Variants in NCOA2 observed in about 807,000 individuals in gnomAD.
NCOA2 encodes class E basic helix-loop-helix protein 75.
A neutral mutation model predicts 145.1 loss-of-function variants in NCOA2; 21 were observed. The observed-to-expected ratio is 0.14, with a 90% CI of 0.10 to 0.21. The LOEUF (loss-of-function observed/expected upper bound fraction) is 0.21, where lower values mean the gene tolerates loss of function less well. NCOA2 is among the 10% of genes least tolerant of loss of function. The probability of loss-of-function intolerance (pLI) is 1.00; values close to 1 mark genes in which losing one functional copy is unlikely to be tolerated. For missense variants in NCOA2, 1,472 were observed against 1,837.6 expected (o/e 0.80, Z 3.64); for synonymous variants, 619 against 637.5 (o/e 0.97, Z 0.44).
chr8:70,320,236 T>C (rs1022370901), intron 1 of NCOA2, among the ~76,000 whole-genome samples: 2 of 152,096 alleles, frequency 1.3e-5, no homozygotes, highest in Non-Finnish European at 2.9e-5. Context: ...GCTATATATC[T>C]GGGTCTGTTA....
At chr8:70,296,398 A>G (rs1356075061) in intron 2 of NCOA2, among the ~76,000 whole-genome samples, 2 of 152,182 alleles carry the variant, frequency 1.3e-5, no homozygotes, top group Non-Finnish European at 2.9e-5. Context: ...AATGAGAAAT[A>G]CCACCACTCA....
At chr8:70,234,497 C>CT (rs34545007) in intron 2 of NCOA2, among the ~76,000 whole-genome samples, 36 of 151,620 alleles carry the variant, frequency 2.4e-4, no homozygotes, top group Middle Eastern at 3.4e-3. Flanking sequence ...AAGGATTCCA[C>CT]TTTTTTTTTC....
intron 1 of NCOA2, among the ~76,000 whole-genome samples, chr8:70,321,475 T>C (rs1586483484): frequency 1.3e-5 from 2 of 152,084 alleles, no homozygotes; most frequent in Non-Finnish European, 2.9e-5. Context: ...TCATAAAATA[T>C]AACATCACTT....
At chr8:70,395,494 C>T (rs1813570696) in intron 1 of NCOA2, among the ~76,000 whole-genome samples, 1 of 152,182 alleles carries the variant, frequency 6.6e-6, no homozygotes, top group South Asian at 2.1e-4. Context: ...TTCATATACT[C>T]CCGACATTCA....
chr8:70,277,709 G>T (rs1825568198), intron 2 of NCOA2, among the ~76,000 whole-genome samples: 1 of 151,934 alleles, frequency 6.6e-6, no homozygotes, highest in Non-Finnish European at 1.5e-5. Flanking sequence ...AATTATCAGG[G>T]TACTCACTGT....
intron 1 of NCOA2, among the ~76,000 whole-genome samples, chr8:70,306,385 A>G (rs1827892407): frequency 6.6e-6 from 1 of 152,230 alleles, no homozygotes; most frequent in Non-Finnish European, 1.5e-5. Context: ...TCCACGTCAC[A>G]GAAGGGCACT....
intron 4 of NCOA2, among the ~76,000 whole-genome samples, chr8:70,213,185 T>C (rs915017786): frequency 6.6e-6 from 1 of 151,318 alleles, no homozygotes; most frequent in South Asian, 2.1e-4. Context: ...TTCAAGAGCA[T>C]ATATTGGCCC....
At chr8:70,195,470 T>C (rs1817191645) in intron 4 of NCOA2, among the ~76,000 whole-genome samples, 1 of 152,186 alleles carries the variant, frequency 6.6e-6, no homozygotes, top group Non-Finnish European at 1.5e-5. Flanking sequence ...CTATAGCTCC[T>C]GGCACATATA....
chr8:70,325,711 C>T (rs1307477248), intron 1 of NCOA2, among the ~76,000 whole-genome samples: 1 of 152,214 alleles, frequency 6.6e-6, no homozygotes, highest in Admixed American at 6.5e-5. Context: ...CTGAAAATAA[C>T]ATCTTAACTG....
chr8:70,308,055 AC>A (rs1828030583), intron 1 of NCOA2, among the ~76,000 whole-genome samples: 1 of 152,190 alleles, frequency 6.6e-6, no homozygotes, highest in Non-Finnish European at 1.5e-5. Flanking sequence ...TGTTTTGTTT[AC>A]CAAAAATTTC....
intron 4 of NCOA2, among the ~76,000 whole-genome samples, chr8:70,206,702 A>G (rs1236200819): frequency 6.6e-6 from 1 of 152,078 alleles, no homozygotes; most frequent in Non-Finnish European, 1.5e-5. Context: ...CTACTCTCCT[A>G]TCTAGCTCTG....
intron 2 of NCOA2, among the ~76,000 whole-genome samples, chr8:70,270,349 T>C (rs1398054266): frequency 2.6e-5 from 4 of 152,178 alleles, no homozygotes; most frequent in South Asian, 2.1e-4. Flanking sequence ...TAACTCTAGG[T>C]CCTAACTTTA....
intron 2 of NCOA2, among the ~76,000 whole-genome samples, chr8:70,281,220 G>A (rs1825848193): frequency 6.6e-6 from 1 of 151,796 alleles, no homozygotes; most frequent in African/African-American, 2.4e-5. Flanking sequence ...TGGGCATGGT[G>A]GCACACACCT....
intron 2 of NCOA2, among the ~76,000 whole-genome samples, chr8:70,242,601 G>A (rs1822238516): frequency 6.6e-6 from 1 of 152,074 alleles, no homozygotes; most frequent in South Asian, 2.1e-4. Context: ...AATCCTATAA[G>A]AGGTACCGTG....
intron 1 of NCOA2, 32 bp from the exon 2 acceptor site, chr8:70,296,832 A>G (rs1299291981): frequency 2.0e-5 from 3 of 152,342 alleles, no homozygotes; most frequent in Non-Finnish European, 4.4e-5. Context: ...AAACGTGAAT[A>G]AAATCTGCAG....
intron 4 of NCOA2, among the ~76,000 whole-genome samples, chr8:70,176,980 T>A (rs189570521): frequency 1.3e-5 from 2 of 152,346 alleles, no homozygotes; most frequent in East Asian, 3.9e-4. Flanking sequence ...TCATAATTTA[T>A]GTGGTCCTAC....
intron 2 of NCOA2, among the ~76,000 whole-genome samples, chr8:70,268,367 C>T (rs1824779860): frequency 6.6e-6 from 1 of 152,142 alleles, no homozygotes; most frequent in Non-Finnish European, 1.5e-5. Flanking sequence ...CTCATGTACC[C>T]TCTAAATTTA....
chr8:70,298,524 A>G (rs2135783208), intron 1 of NCOA2, among the ~76,000 whole-genome samples: 1 of 152,372 alleles, frequency 6.6e-6, no homozygotes, highest in East Asian at 1.9e-4. Flanking sequence ...AATAGGAGTC[A>G]TCAACTCTTT....
At chr8:70,237,848 A>AACAC (rs145216660) in intron 2 of NCOA2, among the ~76,000 whole-genome samples, 4 of 151,778 alleles carry the variant, frequency 2.6e-5, no homozygotes, top group South Asian at 4.2e-4. Flanking sequence ...CTACTCCAAG[A>AACAC]ACACACACAC....
Sources: gnomAD v4.1 joint callset for allele counts (sites outside exome capture counted in the v4.1 genomes callset) on GRCh38, gnomAD v4.1.1 for gene constraint, MANE v1.5 for transcripts, NCBI Gene and HGNC (gene_info 2026-07-23, HGNC 2026-07-21) for gene names.